The following IPCEF1 variants were observed in gnomAD, a reference collection of about 807,000 sequenced individuals.
IPCEF1 encodes interaction protein for cytohesin exchange factors 1, also known as interactor protein for cytohesin exchange factors 1.
In IPCEF1, 31 loss-of-function variants were observed where a neutral mutation model predicts 50.9. That is an observed-to-expected ratio of 0.61 (90% CI 0.46 to 0.82). The LOEUF (loss-of-function observed/expected upper bound fraction) is 0.82, where lower values mean the gene tolerates loss of function less well. IPCEF1 is among the 40% of genes least tolerant of loss of function. The pLI is 0.00. For synonymous variants in IPCEF1, 181 were observed against 192.0 expected (o/e 0.94, Z 0.47); for missense variants, 458 against 514.0 (o/e 0.89, Z 1.05).
chr6:154,268,473 G>A lies in IPCEF1; in HGVS notation c.-17-2509C>T, dbSNP rs144150867. ...AAAGTCCTCTCTGTCCACACCCATT[G>A]CCATCATCCTAGTCCAAGCCATCAG... On this transcript the variant is annotated intron_variant, in intron 2 of 11. Coordinates refer to ENST00000367220, the MANE Select transcript of IPCEF1 (RefSeq NM_001130700.2). Among the ~76,000 whole-genome samples, 31 of 152,208 alleles carry A rather than the reference G, an allele frequency of 2.0e-4. No individual in the cohort carries two copies. The East Asian group carries it at 5.2e-3, about 26-fold the overall frequency.
intron 10 of IPCEF1, among the ~76,000 whole-genome samples, chr6:154,170,804 G>A (rs896171143): frequency 3.3e-5 from 5 of 152,188 alleles, no homozygotes; most frequent in African/African-American, 1.2e-4. Context: ...GTGTGGATGA[G>A]GATGTGGATA....
intron 10 of IPCEF1, among the ~76,000 whole-genome samples, chr6:154,186,040 C>T (rs1194175563): frequency 6.6e-6 from 1 of 152,326 alleles, no homozygotes; most frequent in Non-Finnish European, 1.5e-5. Flanking sequence ...AGAGCTCAGC[C>T]CTGACCTCTT....
At chr6:154,238,742 C>T (rs1298665570) in intron 5 of IPCEF1, among the ~76,000 whole-genome samples, 1 of 151,926 alleles carries the variant, frequency 6.6e-6, no homozygotes, top group Non-Finnish European at 1.5e-5. Flanking sequence ...GATGGGGTCT[C>T]ACCATGTTGA....
rs111951297 is a variant in IPCEF1 at position 154,199,220 on chromosome 6, C to T, written c.910+448G>A. 3.9e-5 allele frequency among the ~76,000 whole-genome samples: 6 copies of T among 152,216 alleles called. No homozygotes were observed. The East Asian group carries it at 1.2e-3, about 29-fold the overall frequency. On this transcript the variant is annotated intron_variant, in intron 10 of 11. Coordinates refer to ENST00000367220, the MANE Select transcript of IPCEF1 (RefSeq NM_001130700.2). ...CCACACAGGAACATTCAGGAGCCGACAGGCTAAGAATTAGATACTGTCTGG... is the reference window on the plus strand; with the variant it reads ...CCACACAGGAACATTCAGGAGCCGATAGGCTAAGAATTAGATACTGTCTGG...
chr6:154,230,881 A>G (rs2128626145), intron 5 of IPCEF1, among the ~76,000 whole-genome samples: 1 of 152,316 alleles, frequency 6.6e-6, no homozygotes, highest in East Asian at 1.9e-4. Context: ...AGAAAAAAAA[A>G]CAGCTAAAAA....
chr6:154,221,418 T>C, intron 6 of IPCEF1, 90 bp from the exon 7 acceptor site: 4 of 934,414 alleles, frequency 4.3e-6, no homozygotes, highest in Non-Finnish European at 6.7e-6. Flanking sequence ...ACAAGCTTTG[T>C]AAACTTGTCT....
At chr6:154,238,466 A>G (rs1413484405) in intron 5 of IPCEF1, among the ~76,000 whole-genome samples, 4 of 151,992 alleles carry the variant, frequency 2.6e-5, no homozygotes, top group Non-Finnish European at 4.4e-5. Context: ...GGGTTTCTCC[A>G]TGTTGGTCAG....
chr6:154,306,431 T>A (rs1782934786), intron 1 of IPCEF1, among the ~76,000 whole-genome samples: 1 of 152,180 alleles, frequency 6.6e-6, no homozygotes, highest in Non-Finnish European at 1.5e-5. Flanking sequence ...AGAGACAGGG[T>A]CTCTCTATGT....
Position 154,212,812 on chromosome 6 carries a change from C to T in IPCEF1, c.495G>A (p.Ala165=), listed in dbSNP as rs147559947. ...ESEQEDPEIA[A]ETPPPPHASQ... is the part of the protein sequence containing the mutation. ...AAGCGTGAGGAGGGGGTGGTGTCTC[C>T]GCAGCTATTTCTGGATCTTCCTGTT... is the stretch of plus-strand genomic sequence containing the variant. Residue 165 remains alanine (A), a synonymous_variant, in exon 9 of 12, where the codon GCG becomes GCA. Transcript: ENST00000367220. The T allele has an allele frequency of 6.1e-5, 99 of 1,613,602 alleles. No individual in the cohort carries two copies. Among genetic ancestry groups the T allele is most frequent in the Middle Eastern group, 1.6e-4 (1 of 6,082 alleles).
At chr6:154,207,512 A>G (rs993150497) in intron 9 of IPCEF1, among the ~76,000 whole-genome samples, 3 of 152,122 alleles carry the variant, frequency 2.0e-5, no homozygotes, top group Non-Finnish European at 2.9e-5. Context: ...ATTAAATGTG[A>G]ATTTCCAAAA....
chr6:154,344,659 C>G (rs1783989107), intron 1 of IPCEF1, among the ~76,000 whole-genome samples: 1 of 152,276 alleles, frequency 6.6e-6, no homozygotes, highest in African/African-American at 2.4e-5. Flanking sequence ...TCACAGATGG[C>G]GCCAGGGGAG....
chr6:154,205,423 T>G (rs887992254), intron 9 of IPCEF1, among the ~76,000 whole-genome samples: 44 of 152,220 alleles, frequency 2.9e-4, no homozygotes, highest in Admixed American at 8.5e-4. Flanking sequence ...GGTGAAACCC[T>G]GTCTCTACTA....
chr6:154,255,808 T>A (rs1781446761), intron 3 of IPCEF1, among the ~76,000 whole-genome samples: 1 of 152,178 alleles, frequency 6.6e-6, no homozygotes, highest in South Asian at 2.1e-4. Flanking sequence ...GTTTATGCCA[T>A]CTATTGAGCT....
At chr6:154,318,699 T>TGA (rs1230044395) in intron 1 of IPCEF1, among the ~76,000 whole-genome samples, 1 of 119,666 alleles carries the variant, frequency 8.4e-6, no homozygotes, top group African/African-American at 3.4e-5. Context: ...GCTGACAGAG[T>TGA]GAGACCCTGT....
chr6:154,240,932 A>T (rs184694335), intron 5 of IPCEF1, among the ~76,000 whole-genome samples: 377 of 152,250 alleles, frequency 2.5e-3, no homozygotes, highest in Admixed American at 3.9e-3. Context: ...GTTTGTCTAA[A>T]GTTTTTATGA....
At chr6:154,309,769 T>TG (rs1244333307) in intron 1 of IPCEF1, among the ~76,000 whole-genome samples, 3 of 68,890 alleles carry the variant, frequency 4.4e-5, no homozygotes, top group African/African-American at 2.6e-4. Flanking sequence ...TCTTTTCTTG[T>TG]TTTTTTTTTT....
chr6:154,288,683 A>C (rs1049232989), intron 2 of IPCEF1, among the ~76,000 whole-genome samples: 980 of 24,798 alleles, frequency 0.04, 13 homozygotes, highest in East Asian at 0.11. Context: ...AAACAAAAAA[A>C]AAAAAAAAAA....
At chr6:154,287,480 A>T (rs1384129863) in intron 2 of IPCEF1, among the ~76,000 whole-genome samples, 2 of 152,212 alleles carry the variant, frequency 1.3e-5, no homozygotes, top group Admixed American at 1.3e-4. Context: ...TATGGGTGCT[A>T]TTACTGTCTC....
intron 2 of IPCEF1, 90 bp from the exon 3 acceptor site, chr6:154,266,054 T>C: frequency 2.7e-6 from 2 of 728,816 alleles, no homozygotes; most frequent in South Asian, 1.7e-5. Context: ...AAAATACTTC[T>C]ATTGTGATTA....
Sources: allele counts gnomAD v4.1 joint callset (sites outside exome capture counted in the v4.1 genomes callset), GRCh38; gene constraint gnomAD v4.1.1; transcripts MANE v1.5; gene names NCBI Gene and HGNC (gene_info 2026-07-23, HGNC 2026-07-21).